Variants in LARGE1 observed in about 807,000 individuals in gnomAD.
The protein encoded by LARGE1 is xylosyl- and glucuronyltransferase LARGE1.
LARGE1 carries 43 observed loss-of-function variants against 87.6 expected under a neutral mutation model. The observed-to-expected ratio is 0.49, with a 90% CI of 0.38 to 0.63. The LOEUF is 0.63. LARGE1 is among the 30% of genes least tolerant of loss of function. The pLI, the probability that LARGE1 is intolerant of heterozygous loss-of-function variation, is 0.00. For missense variants in LARGE1, 802 were observed against 1,000.2 expected, an observed-to-expected ratio of 0.80 and a Z score of 2.67; for synonymous variants, 434 against 394.6, an observed-to-expected ratio of 1.10 and a Z score of -1.18.
At chr22:33,094,648 C>T in the LARGE1 span, among the ~76,000 whole-genome samples, 1 of 151,826 alleles carries the variant, frequency 6.6e-6, no homozygotes, top group South Asian at 2.1e-4. Flanking sequence ...TCACATCCTA[C>T]TCAAATACCA....
Position 33,574,860 on chromosome 22 carries a change from G to C in LARGE1, c.616-9841C>G, listed in dbSNP as rs138266098. 5.6e-4 allele frequency among the ~76,000 whole-genome samples: 85 copies of C among 152,186 alleles called. No individual in the cohort carries two copies. The East Asian group carries it at 0.011, about 20-fold the overall frequency. ...GACCAGGACCATATGCCATACAAAA[G>C]AGCACTGGATAATATCCCAGAGACA... On this transcript the variant is annotated intron_variant, in intron 5 of 14. Transcript: ENST00000397394.
the LARGE1 span, among the ~76,000 whole-genome samples, chr22:33,130,850 G>A: frequency 1.3e-5 from 2 of 151,690 alleles, no homozygotes; most frequent in Admixed American, 1.3e-4. Context: ...TAGAGACCAC[G>A]GTGAAACCCC....
intron 6 of LARGE1, among the ~76,000 whole-genome samples, chr22:33,503,558 T>C (rs1198150990): frequency 2.6e-5 from 4 of 152,110 alleles, no homozygotes; most frequent in Non-Finnish European, 5.9e-5. Flanking sequence ...TTAAGCACTT[T>C]GGGAGGCCGA....
chr22:33,260,501 G>A (rs1402465825), intron 11 of LARGE1, among the ~76,000 whole-genome samples: 5 of 152,154 alleles, frequency 3.3e-5, no homozygotes, highest in African/African-American at 9.7e-5. Flanking sequence ...AGTCTCTTAT[G>A]TCACCTTCTC....
At chr22:33,847,946 T>C (rs1190248388) in intron 1 of LARGE1, among the ~76,000 whole-genome samples, 1 of 152,148 alleles carries the variant, frequency 6.6e-6, no homozygotes, top group African/African-American at 2.4e-5. Flanking sequence ...CCCCCACTCA[T>C]GCTAACTGGT....
intron 6 of LARGE1, among the ~76,000 whole-genome samples, chr22:33,528,999 T>C (rs1191308411): frequency 6.6e-6 from 1 of 152,114 alleles, no homozygotes; most frequent in Non-Finnish European, 1.5e-5. Context: ...TCATCTTTTA[T>C]AGGAGAGAAA....
intron 6 of LARGE1, among the ~76,000 whole-genome samples, chr22:33,447,737 G>A (rs906538856): frequency 2.0e-5 from 3 of 152,118 alleles, no homozygotes; most frequent in African/African-American, 7.2e-5. Context: ...GGGAGCAGGT[G>A]GGCTGCACCA....
the LARGE1 span, among the ~76,000 whole-genome samples, chr22:33,083,537 A>C: frequency 6.6e-6 from 1 of 152,254 alleles, no homozygotes; most frequent in East Asian, 1.9e-4. Flanking sequence ...TATAGTCATG[A>C]ACTGACAGAG....
chr22:33,131,951 T>C, the LARGE1 span, among the ~76,000 whole-genome samples: 1 of 151,968 alleles, frequency 6.6e-6, no homozygotes, highest in Non-Finnish European at 1.5e-5. Context: ...AGTCACATCT[T>C]ACATGGATGT....
chr22:33,116,117 C>T, the LARGE1 span: 1 of 152,228 alleles, frequency 6.6e-6, no homozygotes, highest in African/African-American at 2.4e-5. Context: ...CAAAGGTGGA[C>T]ATCGACGAGG....
intron 2 of LARGE1, among the ~76,000 whole-genome samples, chr22:33,694,619 T>C (rs1308992278): frequency 6.6e-6 from 1 of 152,204 alleles, no homozygotes; most frequent in Non-Finnish European, 1.5e-5. Context: ...GCCACTACTA[T>C]TACCTACAAA....
intron 10 of LARGE1, among the ~76,000 whole-genome samples, chr22:33,318,214 G>A (rs1400793291): frequency 1.4e-5 from 2 of 140,504 alleles, no homozygotes; most frequent in Non-Finnish European, 1.5e-5. Flanking sequence ...CAGCCTGGGC[G>A]ACAGAGCGAG....
chr22:33,920,977 G>C (rs1304711293), upstream of LARGE1, among the ~76,000 whole-genome samples: 3 of 149,624 alleles, frequency 2.0e-5, no homozygotes, highest in Non-Finnish European at 3.0e-5. Flanking sequence ...CGCGTGCCCA[G>C]AGCGCCGGAC....
chr22:33,573,786 T>G (rs534420138), intron 5 of LARGE1, among the ~76,000 whole-genome samples: 95 of 152,324 alleles, frequency 6.2e-4, no homozygotes, highest in African/African-American at 2.2e-3. Flanking sequence ...CTCATGAGGT[T>G]GCAGTCATCT....
chr22:33,486,557 A>G (rs922039814), intron 6 of LARGE1, among the ~76,000 whole-genome samples: 1 of 152,176 alleles, frequency 6.6e-6, no homozygotes, highest in Non-Finnish European at 1.5e-5. Context: ...GAGAGCGCAC[A>G]CCAGGGAAAG....
intron 6 of LARGE1, among the ~76,000 whole-genome samples, chr22:33,455,669 G>A (rs944468311): frequency 6.8e-6 from 1 of 148,008 alleles, no homozygotes; most frequent in African/African-American, 2.5e-5. Context: ...CAGGAGAATC[G>A]CTTGAACCCA....
At position 33,680,218 on chromosome 22, in the gene LARGE1, G is replaced by A. The variant is rs569496442; in HGVS notation, c.107-29550C>T. ...CAGTAAGTGGAGAAGTAAGCGAGATGGTCCGTTCCAGGGAAAACACATTCA... is the reference window on the plus strand; with the variant it reads ...CAGTAAGTGGAGAAGTAAGCGAGATAGTCCGTTCCAGGGAAAACACATTCA... On this transcript the variant is annotated intron_variant, in intron 2 of 14. Coordinates refer to ENST00000397394, the MANE Select transcript of LARGE1 (RefSeq NM_133642.5). 3.3e-5 allele frequency among the ~76,000 whole-genome samples: 5 copies of A among 152,272 alleles called. No homozygotes were observed. The South Asian group carries it at 1.0e-3, about 32-fold the overall frequency.
chr22:33,403,811 C>T (rs2066003731), intron 7 of LARGE1, among the ~76,000 whole-genome samples: 2 of 152,192 alleles, frequency 1.3e-5, no homozygotes, highest in Admixed American at 6.5e-5. Flanking sequence ...GTCATGTTGG[C>T]CAGGCTTGTC....
chr22:33,165,621 T>C (rs1255824363), exon 12 of LARGE1: 1 of 152,200 alleles, frequency 6.6e-6, no homozygotes, highest in African/African-American at 2.4e-5. Flanking sequence ...GCGAGGACAC[T>C]GGGTTATTCA....
Sources: allele counts gnomAD v4.1 joint callset (sites outside exome capture counted in the v4.1 genomes callset), GRCh38; gene constraint gnomAD v4.1.1; transcripts MANE v1.5; gene names NCBI Gene and HGNC (gene_info 2026-07-23, HGNC 2026-07-21).